PDE1A: variants seen among roughly 807,000 people sequenced by gnomAD.
The protein encoded by PDE1A is dual specificity calcium/calmodulin-dependent 3',5'-cyclic nucleotide phosphodiesterase 1A.
In PDE1A, 35 loss-of-function variants were observed where a neutral mutation model predicts 61.7. The ratio of observed to expected loss-of-function variants is 0.57; its 90% CI spans 0.43 to 0.75. The LOEUF (loss-of-function observed/expected upper bound fraction) is 0.75. Ranked by LOEUF, PDE1A falls within the 30% of genes least tolerant of loss-of-function variation. The pLI, the probability that PDE1A is intolerant of heterozygous loss-of-function variation, is 0.00. For missense variants in PDE1A, 597 were observed against 630.6 expected, an observed-to-expected ratio of 0.95 and a Z score of 0.57; for synonymous variants, 232 against 213.2, an observed-to-expected ratio of 1.09 and a Z score of -0.77.
At chr2:182,442,772 G>T (rs1241201026) in intron 2 of PDE1A, among the ~76,000 whole-genome samples, 2 of 151,870 alleles carry the variant, frequency 1.3e-5, no homozygotes, top group Non-Finnish European at 2.9e-5. Flanking sequence ...AAATCATATA[G>T]AAATTATAGA....
At chr2:182,234,563 A>G (rs1467996993) in intron 3 of PDE1A, 65 bp from the exon 4 acceptor site, 2 of 1,026,676 alleles carry the variant, frequency 1.9e-6, no homozygotes, top group Non-Finnish European at 3.0e-6. Context: ...ACTATTTCTT[A>G]AATATCAGGG....
At chr2:182,498,045 CAAAAAAAAAA>C (rs57707793) in intron 2 of PDE1A, among the ~76,000 whole-genome samples, 3,452 of 64,344 alleles carry the variant, frequency 0.054, 104 homozygotes, top group East Asian at 0.27. Flanking sequence ...GATTGCGTCT[CAAAAAAAAAA>C]AAAAAAAAAA....
chr2:182,507,188 C>T (rs1689466756), intron 2 of PDE1A, among the ~76,000 whole-genome samples: 1 of 151,504 alleles, frequency 6.6e-6, no homozygotes. Context: ...AAGTAGTAAC[C>T]ACAGTAATAG....
chr2:182,518,570 G>A (rs60122505), intron 2 of PDE1A, among the ~76,000 whole-genome samples: 10,034 of 152,200 alleles, frequency 0.066, 354 homozygotes, highest in Middle Eastern at 0.1. Flanking sequence ...GGTATGTGTC[G>A]AGACGTGTAA....
intron 10 of PDE1A, among the ~76,000 whole-genome samples, chr2:182,190,995 A>T (rs989911143): frequency 6.6e-6 from 1 of 152,126 alleles, no homozygotes; most frequent in Non-Finnish European, 1.5e-5. Context: ...TTAGAATAGC[A>T]ACAACATGAA....
intron 2 of PDE1A, among the ~76,000 whole-genome samples, chr2:182,516,831 A>AAGGAAGGG (rs1690220557): frequency 9.5e-6 from 1 of 105,592 alleles, no homozygotes; most frequent in Non-Finnish European, 1.9e-5. Flanking sequence ...GGAAGGAAGG[A>AAGGAAGGG]AGGGAGGGAG....
chr2:182,513,219 G>A (rs147145895), intron 2 of PDE1A, among the ~76,000 whole-genome samples: 1,858 of 152,230 alleles, frequency 0.012, 22 homozygotes, highest in Middle Eastern at 0.034. Flanking sequence ...GCTGCCTACA[G>A]AGAGAACTCC....
intron 2 of PDE1A, among the ~76,000 whole-genome samples, chr2:182,519,778 T>C (rs1258269108): frequency 6.6e-6 from 1 of 151,950 alleles, no homozygotes; most frequent in Non-Finnish European, 1.5e-5. Flanking sequence ...TAATGGTTCA[T>C]GATTTCTACA....
intron 1 of PDE1A, among the ~76,000 whole-genome samples, chr2:182,351,419 G>A (rs1220225709): frequency 1.3e-5 from 2 of 152,238 alleles, no homozygotes; most frequent in Non-Finnish European, 2.9e-5. Flanking sequence ...AGATAACTAC[G>A]AAAATTGTAG....
At chr2:182,485,463 G>A (rs1299747996) in intron 2 of PDE1A, among the ~76,000 whole-genome samples, 1 of 151,826 alleles carries the variant, frequency 6.6e-6, no homozygotes, top group East Asian at 1.9e-4. Context: ...ACAAACCCCC[G>A]TGACACAAGT....
intron 1 of PDE1A, among the ~76,000 whole-genome samples, chr2:182,397,052 T>A (rs1399740962): frequency 2.0e-5 from 3 of 152,182 alleles, no homozygotes; most frequent in Non-Finnish European, 4.4e-5. Context: ...ATAATTGAGG[T>A]CATTTATCTC....
At chr2:182,307,834 CA>C (rs1695692263) in intron 1 of PDE1A, among the ~76,000 whole-genome samples, 1 of 152,030 alleles carries the variant, frequency 6.6e-6, no homozygotes, top group African/African-American at 2.4e-5. Flanking sequence ...CTAGCATGAA[CA>C]ACAGATACAG....
At chr2:182,517,787 C>T (rs11677155) in intron 2 of PDE1A, among the ~76,000 whole-genome samples, 10,027 of 152,220 alleles carry the variant, frequency 0.066, 352 homozygotes, top group Middle Eastern at 0.1. Context: ...CTGAGCTCTG[C>T]AGGACATTTA....
chr2:182,688,829 G>A, the PDE1A span, among the ~76,000 whole-genome samples: 1 of 152,180 alleles, frequency 6.6e-6, no homozygotes, highest in Non-Finnish European at 1.5e-5. Context: ...AAGGGATGGA[G>A]GAAGATCTAC....
the PDE1A span, among the ~76,000 whole-genome samples, chr2:182,547,512 G>A: frequency 1.3e-5 from 2 of 152,208 alleles, no homozygotes; most frequent in Non-Finnish European, 2.9e-5. Flanking sequence ...CTTCGTGTAA[G>A]TTGTTTTTAT....
At chr2:182,565,476 T>A in the PDE1A span, among the ~76,000 whole-genome samples, 3 of 152,114 alleles carry the variant, frequency 2.0e-5, no homozygotes, top group Admixed American at 6.6e-5. Flanking sequence ...GGGGGGTGCC[T>A]CCCAGTTAGG....
intron 2 of PDE1A, among the ~76,000 whole-genome samples, chr2:182,489,209 G>C (rs1166221329): frequency 7.2e-5 from 11 of 152,188 alleles, no homozygotes; most frequent in Admixed American, 5.9e-4. Context: ...AAGCCCTAGG[G>C]CCTGAGCATG....
intron 2 of PDE1A, among the ~76,000 whole-genome samples, chr2:182,252,817 C>G (rs140737727): frequency 1.1e-4 from 16 of 152,236 alleles, no homozygotes; most frequent in African/African-American, 2.9e-4. Context: ...AGGCCTGAGA[C>G]AGCCTCACAG....
At chr2:182,240,341 A>G (rs1380798705) in intron 2 of PDE1A, 49 bp from the exon 3 acceptor site, 1 of 1,189,374 alleles carries the variant, frequency 8.4e-7, no homozygotes, top group Non-Finnish European at 1.2e-6. Flanking sequence ...AGTGAAGAAA[A>G]ACATATAACA....
Sources: gnomAD v4.1 joint callset for allele counts (sites outside exome capture counted in the v4.1 genomes callset) on GRCh38, gnomAD v4.1.1 for gene constraint, MANE v1.5 for transcripts, NCBI Gene and HGNC (gene_info 2026-07-23, HGNC 2026-07-21) for gene names.